Variants in FGGY observed in about 807,000 individuals in gnomAD.
FGGY encodes FGGY carbohydrate kinase domain-containing protein.
Under a neutral mutation model 71.3 loss-of-function variants are expected in FGGY, and 72 were observed. That is an observed-to-expected ratio of 1.01 (90% confidence interval 0.84 to 1.23). The LOEUF is 1.23. Among genes scored for constraint, FGGY ranks in the 50% most tolerant of loss-of-function variants. The probability of loss-of-function intolerance (pLI) is 0.00; values close to 1 mark genes in which losing one functional copy is unlikely to be tolerated. For missense variants in FGGY, 668 were observed against 682.3 expected (o/e 0.98, Z 0.23); for synonymous variants, 251 against 250.3 (o/e 1.00, Z -0.02).
chr1:59,632,859 C>A (rs766293630), intron 10 of FGGY, among the ~76,000 whole-genome samples: 2 of 152,160 alleles, frequency 1.3e-5, no homozygotes, highest in African/African-American at 4.8e-5. Flanking sequence ...TTTACTTAGC[C>A]TTCCCTGAGC....
At chr1:59,407,664 C>T (rs1342737668) in intron 5 of FGGY, among the ~76,000 whole-genome samples, 1 of 152,134 alleles carries the variant, frequency 6.6e-6, no homozygotes, top group Non-Finnish European at 1.5e-5. Flanking sequence ...CACATTAGGA[C>T]CCTTTTCCCC....
chr1:59,703,792 C>T (rs1387619657), intron 14 of FGGY, among the ~76,000 whole-genome samples: 2 of 152,126 alleles, frequency 1.3e-5, no homozygotes, highest in Non-Finnish European at 2.9e-5. Flanking sequence ...TTTGCTTTCC[C>T]CTGAACACAT....
intron 3 of FGGY, among the ~76,000 whole-genome samples, chr1:59,345,324 G>T (rs1382896459): frequency 6.6e-6 from 1 of 152,074 alleles, no homozygotes; most frequent in Non-Finnish European, 1.5e-5. Context: ...TATATTAATT[G>T]CTGTTCTGCA....
chr1:59,370,273 G>A (rs1040588131), intron 4 of FGGY, among the ~76,000 whole-genome samples: 4 of 152,188 alleles, frequency 2.6e-5, no homozygotes, highest in African/African-American at 9.6e-5. Flanking sequence ...GAATGCAGAA[G>A]CCTCAGGAGA....
chr1:59,388,178 A>G lies in FGGY; in HGVS notation c.554+9341A>G, dbSNP rs1272240939. ...GCAGGAAGGAAGACCCGATTTGCCA[A>G]CCCTATCTCAAGTCTAGCAGCTTAG... On this transcript the variant is annotated intron_variant, in intron 5 of 15. Coordinates refer to ENST00000303721, the MANE Select transcript of FGGY (RefSeq NM_018291.5). Among the ~76,000 whole-genome samples the G allele has an allele frequency of 8.5e-5, 13 of 152,152 alleles. No individual in the cohort carries two copies. In the East Asian group the frequency reaches 2.3e-3, roughly 27 times the overall value.
At chr1:59,746,696 A>G (rs1313608187) in intron 14 of FGGY, among the ~76,000 whole-genome samples, 2 of 152,076 alleles carry the variant, frequency 1.3e-5, no homozygotes, top group East Asian at 1.9e-4. Flanking sequence ...GGGTTTCCCT[A>G]TCTTGCCCAG....
chr1:59,738,252 T>A (rs2098121532), intron 14 of FGGY, among the ~76,000 whole-genome samples: 1 of 152,150 alleles, frequency 6.6e-6, no homozygotes, highest in Non-Finnish European at 1.5e-5. Flanking sequence ...TCTGAAGAGA[T>A]CTATGCTGGT....
chr1:59,314,257 A>G (rs993136132), intron 1 of FGGY, among the ~76,000 whole-genome samples: 1 of 152,040 alleles, frequency 6.6e-6, no homozygotes, highest in East Asian at 1.9e-4. Context: ...GAGCCACCGC[A>G]CCTGGCCTAA....
intron 1 of FGGY, among the ~76,000 whole-genome samples, chr1:59,311,016 C>A (rs2044217026): frequency 6.6e-6 from 1 of 152,174 alleles, no homozygotes; most frequent in Non-Finnish European, 1.5e-5. Flanking sequence ...CAGTTAATAT[C>A]TAATGTTTCC....
chr1:59,757,934 G>T lies in FGGY; in HGVS notation c.1516G>T (p.Ala506Ser). The T allele has an allele frequency of 6.2e-7, 1 of 1,612,356 alleles. No homozygotes were observed. The highest frequency in any genetic ancestry group is 8.5e-7 in the Non-Finnish European group (1 of 1,178,866). The change falls in exon 15 of 16, where the codon GCA (alanine) becomes TCA (serine). Residue 506 changes from alanine to serine, a missense_variant. Physicochemically the swap from Ala to Ser is moderately conservative, Grantham distance 99. Coordinates refer to ENST00000303721, the MANE Select transcript of FGGY (RefSeq NM_018291.5). ...ASGDFASVQE[A>S]MAKMSKVGKV... is the part of the protein sequence containing the mutation. ...TATGTTGTTTTCCATTTAATAGGAA[G>T]CAATGGCAAAAATGAGCAAAGTTGG...
intron 6 of FGGY, among the ~76,000 whole-genome samples, chr1:59,480,153 AC>A (rs1292693961): frequency 6.6e-6 from 1 of 152,156 alleles, no homozygotes; most frequent in Non-Finnish European, 1.5e-5. Flanking sequence ...GCCAGCATGA[AC>A]TTTTTATAAT....
intron 5 of FGGY, among the ~76,000 whole-genome samples, chr1:59,426,696 G>C (rs939735): frequency 0.21 from 31,464 of 151,890 alleles, 3,280 homozygotes; most frequent in African/African-American, 0.25. Context: ...TTTTGCTTTT[G>C]TTTACTTGTT....
intron 6 of FGGY, among the ~76,000 whole-genome samples, chr1:59,491,062 C>CTTT (rs1345308833): frequency 9.9e-5 from 1 of 10,128 alleles, no homozygotes; most frequent in African/African-American, 1.0e-3. Flanking sequence ...TTCCTTCCTT[C>CTTT]CTTCCTTCCT....
intron 8 of FGGY, among the ~76,000 whole-genome samples, chr1:59,591,031 T>C (rs1455122105): frequency 1.3e-5 from 2 of 152,200 alleles, no homozygotes; most frequent in African/African-American, 4.8e-5. Context: ...ATTGTATATC[T>C]AGAAAACCCC....
chr1:59,305,967 G>A (rs2043377507), intron 1 of FGGY, among the ~76,000 whole-genome samples: 1 of 152,160 alleles, frequency 6.6e-6, no homozygotes. Flanking sequence ...TCAACTCAGG[G>A]AGACTGCTGG....
At chr1:59,508,641 ATC>A (rs1300591905) in intron 6 of FGGY, among the ~76,000 whole-genome samples, 1 of 152,168 alleles carries the variant, frequency 6.6e-6, no homozygotes, top group Non-Finnish European at 1.5e-5. Flanking sequence ...TATTTCTATC[ATC>A]CTCTCTCATG....
chr1:59,402,690 G>A (rs181898295), intron 5 of FGGY, among the ~76,000 whole-genome samples: 2 of 152,284 alleles, frequency 1.3e-5, no homozygotes, highest in African/African-American at 4.8e-5. Flanking sequence ...AGGCATTAGG[G>A]ACACTGAGCC....
chr1:59,589,797 G>A (rs917626516), intron 8 of FGGY, among the ~76,000 whole-genome samples: 10 of 152,048 alleles, frequency 6.6e-5, no homozygotes, highest in African/African-American at 2.4e-4. Context: ...AGTGTGTAGA[G>A]GGAAATTTAT....
intron 4 of FGGY, among the ~76,000 whole-genome samples, chr1:59,354,340 G>C (rs921135908): frequency 4.6e-5 from 7 of 152,120 alleles, no homozygotes; most frequent in Non-Finnish European, 1.0e-4. Flanking sequence ...CGGCCTCCCA[G>C]AGTGCTGGGA....
Sources: gnomAD v4.1 joint callset for allele counts (sites outside exome capture counted in the v4.1 genomes callset) on GRCh38, gnomAD v4.1.1 for gene constraint, MANE v1.5 for transcripts, NCBI Gene and HGNC (gene_info 2026-07-23, HGNC 2026-07-21) for gene names.